Variants in PPP1R42 observed in about 807,000 individuals in gnomAD.
PPP1R42 encodes leucine rich repeat containing 67.
In PPP1R42, 34 loss-of-function variants were observed where a neutral mutation model predicts 31.0. The ratio of observed to expected loss-of-function variants is 1.10; its 90% CI spans 0.83 to 1.46. The LOEUF is 1.46. Among genes scored for constraint, PPP1R42 ranks in the 40% most tolerant of loss-of-function variants. The pLI is 0.00. For missense variants in PPP1R42, 268 were observed against 303.0 expected (o/e 0.88, Z 0.86); for synonymous variants, 103 against 109.8 (o/e 0.94, Z 0.39).
intron 5 of PPP1R42, among the ~76,000 whole-genome samples, chr8:67,010,006 T>C (rs937361463): frequency 6.6e-6 from 1 of 152,222 alleles, no homozygotes; most frequent in African/African-American, 2.4e-5. Context: ...GTCATAGCAA[T>C]GGCTCAACTC....
At chr8:66,974,341 G>A (rs561437254) in intron 7 of PPP1R42, among the ~76,000 whole-genome samples, 2 of 152,222 alleles carry the variant, frequency 1.3e-5, no homozygotes, top group African/African-American at 2.4e-5. Context: ...GATCACTTGA[G>A]TTCAGGAGTT....
intron 1 of PPP1R42, among the ~76,000 whole-genome samples, chr8:67,026,166 T>C (rs1294399016): frequency 4.7e-5 from 7 of 149,832 alleles, no homozygotes; most frequent in Non-Finnish European, 1.0e-4. Context: ...TGAAACCCTG[T>C]CTCTACTAAA....
In PPP1R42 at chr8:66,965,174, CCATTCCT is replaced by C. The variant is rs566675741; in HGVS notation, c.803-847_803-841del. Among the ~76,000 whole-genome samples the C allele has an allele frequency of 1.5e-3, 228 of 151,082 alleles. 1 individual carries two copies. Among genetic ancestry groups the C allele is most frequent in the African/African-American group, 5.4e-3 (222 of 41,122 alleles). On this transcript the variant is annotated intron_variant, in intron 7 of 7. Coordinates refer to ENST00000685739, the MANE Select transcript of PPP1R42 (RefSeq NM_001364910.1). ...TGTAGATGTACCACAGTTTGTTTAT[CCATTCCT>C]CAGATGAAAACCTTTGGAACTGCAG... is the stretch of plus-strand genomic sequence containing the variant.
intron 5 of PPP1R42, among the ~76,000 whole-genome samples, chr8:67,003,907 G>A (rs534868813): frequency 6.6e-6 from 1 of 152,222 alleles, no homozygotes; most frequent in South Asian, 2.1e-4. Context: ...TGGCTAAGAC[G>A]GTGAAACCCC....
rs188482360 is a variant in PPP1R42 at position 67,012,953 on chromosome 8, C to G, written c.435+5G>C. 1.7e-4 allele frequency: 263 copies of G among 1,592,156 alleles called. No individual in the cohort carries two copies. Among genetic ancestry groups the G allele is most frequent in the Non-Finnish European group, 2.1e-4 (244 of 1,173,794 alleles). ...CCTTGTCAAAATATTCAAATGTGAA[C>G]TTACTGCCAGAGAATGAAGAGTTCT... On this transcript the variant is annotated splice_donor_5th_base_variant and intron_variant, in intron 4 of 7. Transcript: ENST00000685739.
In PPP1R42 at chr8:66,982,229, A is replaced by C. The variant is rs150530828; in HGVS notation, c.671-49T>G. ...AAAAATACAATATATACATATAAAC[A>C]TAAGTCAAAATATGCACTTCTGGTT... On this transcript the variant is annotated intron_variant, in intron 6 of 7. Coordinates refer to ENST00000685739, the MANE Select transcript of PPP1R42 (RefSeq NM_001364910.1). 11 of 877,180 alleles carry C rather than the reference A, an allele frequency of 1.3e-5. No homozygotes were observed. The African/African-American group carries it at 1.6e-4, about 12-fold the overall frequency. The allele number at this position is 877,180 out of a possible 1,614,324, so 54.3% of individuals were successfully genotyped here.
intron 5 of PPP1R42, among the ~76,000 whole-genome samples, chr8:67,002,272 T>C (rs1815515162): frequency 2.0e-5 from 3 of 152,240 alleles, no homozygotes; most frequent in Admixed American, 2.0e-4. Flanking sequence ...CGATCTCGGC[T>C]CACTGCAACC....
At chr8:67,018,398 G>C (rs553440958) in intron 1 of PPP1R42, among the ~76,000 whole-genome samples, 1 of 151,830 alleles carries the variant, frequency 6.6e-6, no homozygotes, top group African/African-American at 2.4e-5. Flanking sequence ...GATTACAGGC[G>C]TGAGCCACCG....
At chr8:66,981,232 G>T (rs866048231) in intron 7 of PPP1R42, among the ~76,000 whole-genome samples, 2 of 152,156 alleles carry the variant, frequency 1.3e-5, no homozygotes, top group African/African-American at 4.8e-5. Context: ...GGCAAGGGAG[G>T]TTGGTATGTC....
chr8:67,009,811 G>A (rs1053613720), intron 5 of PPP1R42, among the ~76,000 whole-genome samples: 1 of 152,170 alleles, frequency 6.6e-6, no homozygotes, highest in Non-Finnish European at 1.5e-5. Context: ...GGATGAACCA[G>A]GTAATAGGTC....
rs755160699 is a variant in PPP1R42, at chr8:67,017,609, A to G, written c.129+10T>C. 2.9e-6 allele frequency: 4 copies of G among 1,372,510 alleles called. No individual in the cohort carries two copies. The highest frequency in any genetic ancestry group is 3.9e-6 in the Non-Finnish European group (4 of 1,028,140). 85.0% of individuals were successfully genotyped at this position (1,372,510 alleles called of 1,614,324 possible). Reference sequence around the variant, plus strand: ...TTATATAAAATAGGAAATAATTTCAAAGTTCTTACAATTGCATCTATATTT... The same window carrying G: ...TTATATAAAATAGGAAATAATTTCAGAGTTCTTACAATTGCATCTATATTT... On this transcript the variant is annotated intron_variant, in intron 2 of 7. Coordinates refer to ENST00000685739, the MANE Select transcript of PPP1R42 (RefSeq NM_001364910.1).
At chr8:67,025,945 C>A (rs1585695356) in intron 1 of PPP1R42, among the ~76,000 whole-genome samples, 1 of 139,450 alleles carries the variant, frequency 7.2e-6, no homozygotes, top group Non-Finnish European at 1.5e-5. Flanking sequence ...GCAGAGGTGG[C>A]AGTGAGCCCA....
At position 67,019,667 on chromosome 8, in the gene PPP1R42, C is replaced by T. The variant is rs371983108; in HGVS notation, c.-84-1836G>A. 3.6e-4 allele frequency among the ~76,000 whole-genome samples: 54 copies of T among 151,778 alleles called. No individual in the cohort carries two copies. The East Asian group carries it at 3.7e-3, about 11-fold the overall frequency. On this transcript the variant is annotated intron_variant, in intron 1 of 7. Transcript: ENST00000685739. ...CAGCACTTTGGGAAGCCGAGGCGGG[C>T]GGATCACAAGGTCAGGAGATCGAGA...
intron 6 of PPP1R42, among the ~76,000 whole-genome samples, chr8:66,983,340 T>G (rs1814905392): frequency 6.6e-6 from 1 of 152,158 alleles, no homozygotes; most frequent in Non-Finnish European, 1.5e-5. Flanking sequence ...TTCTGTTGTT[T>G]ATGGATATAT....
chr8:66,975,500 G>C lies in PPP1R42; in HGVS notation c.802+6549C>G, dbSNP rs527300863. On this transcript the variant is annotated intron_variant, in intron 7 of 7. Transcript: ENST00000685739. ...CCATCTACTAAAAATACAAAAAGTA[G>C]TCAGGTGTGGTGGCACACGCCTGTA... Among the ~76,000 whole-genome samples the C allele has an allele frequency of 2.4e-4, 37 of 152,146 alleles. No individual in the cohort carries two copies. In the South Asian group the frequency reaches 7.7e-3, roughly 32 times the overall value.
At chr8:67,023,619 T>C (rs925251215) in intron 1 of PPP1R42, among the ~76,000 whole-genome samples, 3 of 152,186 alleles carry the variant, frequency 2.0e-5, no homozygotes, top group African/African-American at 7.2e-5. Context: ...TCAGATTATA[T>C]ATGAGTAACA....
chr8:66,984,449 C>T (rs781735291), intron 6 of PPP1R42: 87 of 1,282,202 alleles, frequency 6.8e-5, no homozygotes, highest in Middle Eastern at 1.9e-4. Context: ...ACCACGTTGA[C>T]ACCCTTGTGC....
chr8:67,003,845 CT>C (rs1815585612), intron 5 of PPP1R42, among the ~76,000 whole-genome samples: 1 of 152,168 alleles, frequency 6.6e-6, no homozygotes, highest in Non-Finnish European at 1.5e-5. Flanking sequence ...AATCCCAGCA[CT>C]TTGGGAAGCC....
intron 5 of PPP1R42, among the ~76,000 whole-genome samples, chr8:67,010,145 C>T (rs140268158): frequency 3.9e-5 from 6 of 152,244 alleles, no homozygotes; most frequent in African/African-American, 1.2e-4. Context: ...AGATCAAGAC[C>T]GTATATTCCT....
Sources: allele counts gnomAD v4.1 joint callset (sites outside exome capture counted in the v4.1 genomes callset), GRCh38; gene constraint gnomAD v4.1.1; transcripts MANE v1.5; gene names NCBI Gene and HGNC (gene_info 2026-07-23, HGNC 2026-07-21).